Variants in DNAJC10 observed in about 807,000 individuals in gnomAD.
The protein encoded by DNAJC10 is endoplasmic reticulum disulfide reductase DNAJC10.
DNAJC10 carries 101 observed loss-of-function variants against 115.0 expected under a neutral mutation model. That is an observed-to-expected ratio of 0.88 (90% confidence interval 0.75 to 1.04). The LOEUF is 1.04. Ranked by LOEUF, DNAJC10 falls within the 50% of genes least tolerant of loss-of-function variation. DNAJC10 has a pLI of 0.00. For synonymous variants in DNAJC10, 307 were observed against 301.5 expected, an observed-to-expected ratio of 1.02 and a Z score of -0.19; for missense variants, 981 against 928.8, an observed-to-expected ratio of 1.06 and a Z score of -0.73.
At position 182,788,509 on chromosome 2, in the gene DNAJC10, C is replaced by A; in HGVS notation, c.*11377C>A. 3 of 197,632 alleles carry A rather than the reference C, an allele frequency of 1.5e-5. No homozygotes were observed. The highest frequency in any genetic ancestry group is 8.4e-5 in the South Asian group (1 of 11,956). The allele number at this position is 197,632 out of a possible 1,614,324, so 12.2% of individuals were successfully genotyped here. On this transcript the variant is annotated 3_prime_UTR_variant, in exon 24 of 24. Coordinates refer to ENST00000264065, the MANE Select transcript of DNAJC10 (RefSeq NM_018981.4). The stretch of plus-strand genomic sequence containing the variant: ...AAATAGGAGAAAATGGGAGTAAAAA[C>A]AAAATGTATAAAAAGTATTAAAATT...
chr2:182,754,723 C>A, intron 16 of DNAJC10: 1 of 1,119,812 alleles, frequency 8.9e-7, no homozygotes, highest in Non-Finnish European at 1.1e-6. Flanking sequence ...AGGGACCATT[C>A]GTATAATTAC....
chr2:182,745,203 A>T (rs985978782), intron 14 of DNAJC10, among the ~76,000 whole-genome samples: 4 of 152,204 alleles, frequency 2.6e-5, no homozygotes, highest in Non-Finnish European at 5.9e-5. Context: ...TCTGGCACAT[A>T]GTAAGAACTC....
At chr2:182,739,815 T>C in intron 11 of DNAJC10, 1 of 992,848 alleles carries the variant, frequency 1.0e-6, no homozygotes, top group Non-Finnish European at 1.2e-6. Flanking sequence ...TAAGTTCCTC[T>C]TAATTAATCT....
intron 13 of DNAJC10, 33 bp from the exon 14 acceptor site, chr2:182,743,564 TG>T (rs1428909992): frequency 7.0e-7 from 1 of 1,428,678 alleles, no homozygotes; most frequent in Non-Finnish European, 9.9e-7. Context: ...GGTAAGACAG[TG>T]TTTTTATCAA....
At position 182,785,136 on chromosome 2, in the gene DNAJC10, T is replaced by G. The variant is rs1694923593; in HGVS notation, c.*8004T>G. 1.3e-5 allele frequency: 2 copies of G among 152,100 alleles called. No homozygotes were observed. The highest frequency in any genetic ancestry group is 2.4e-5 in the African/African-American group (1 of 41,430). 9.4% of individuals were successfully genotyped at this position (152,100 alleles called of 1,614,324 possible). A position where few individuals can be genotyped will look rare whatever the true frequency, so the allele number is the denominator to read the frequency against. On this transcript the variant is annotated 3_prime_UTR_variant, in exon 24 of 24. Transcript: ENST00000264065. ...GTGTATGAATGGTATGACAATAAATTTAGAAAATCATACAGGCACACACAC... is the reference window on the plus strand; with the variant it reads ...GTGTATGAATGGTATGACAATAAATGTAGAAAATCATACAGGCACACACAC...
At chr2:182,757,119 T>A (rs1025527902) in intron 18 of DNAJC10, among the ~76,000 whole-genome samples, 1 of 152,144 alleles carries the variant, frequency 6.6e-6, no homozygotes, top group Non-Finnish European at 1.5e-5. Context: ...TTTAGAAAAT[T>A]TCCTGAAAAT....
At chr2:182,760,819 A>T (rs963707266) in intron 21 of DNAJC10, among the ~76,000 whole-genome samples, 10 of 152,196 alleles carry the variant, frequency 6.6e-5, no homozygotes, top group African/African-American at 2.2e-4. Context: ...AGGTCTTACT[A>T]GCTATAAAAG....
rs1694813487 is a variant in DNAJC10 at position 182,780,210 on chromosome 2, T to C, written c.*3078T>C. On this transcript the variant is annotated 3_prime_UTR_variant, in exon 24 of 24. Coordinates refer to ENST00000264065, the MANE Select transcript of DNAJC10 (RefSeq NM_018981.4). ...GTCCCCTCCAAATCTCATGTTGAAA[T>C]ATGATCCCCAGTGTTGGATATGGGG... 2 of 152,200 alleles carry C rather than the reference T, an allele frequency of 1.3e-5. No individual in the cohort carries two copies. Among genetic ancestry groups the C allele is most frequent in the Non-Finnish European group, 2.9e-5 (2 of 68,040 alleles). The allele number at this position is 152,200 out of a possible 1,614,324, so 9.4% of individuals were successfully genotyped here. A position where few individuals can be genotyped will look rare whatever the true frequency, so the allele number is the denominator to read the frequency against.
intron 9 of DNAJC10, among the ~76,000 whole-genome samples, chr2:182,731,870 AT>A (rs1327123386): frequency 1.3e-5 from 2 of 152,036 alleles, no homozygotes; most frequent in Non-Finnish European, 2.9e-5. Flanking sequence ...TCACCAAGGG[AT>A]TTTGTCTCAT....
chr2:182,751,801 C>T lies in DNAJC10; in HGVS notation c.1434+16C>T. On this transcript the variant is annotated intron_variant, in intron 15 of 23. Transcript: ENST00000264065. ...CTTTGCCCCCGTAAGTTATTTTTAT[C>T]TGTCAGATTCTAACATTGTCAGATC... is the stretch of plus-strand genomic sequence containing the variant. The T allele has an allele frequency of 1.2e-6, 2 of 1,608,808 alleles. No homozygotes were observed. The highest frequency in any genetic ancestry group is 1.7e-6 in the Non-Finnish European group (2 of 1,178,900).
At position 182,794,363 on chromosome 2, in the gene DNAJC10, A is replaced by T. The variant is rs1459151370; in HGVS notation, c.*17231A>T. On this transcript the variant is annotated 3_prime_UTR_variant, in exon 24 of 24. Transcript: ENST00000264065. ...GATGACCACATTAAACTTACAGAGT[A>T]AGAAATGTCATTCTAGATTTGATTC... 5 of 151,550 alleles carry T rather than the reference A, an allele frequency of 3.3e-5. No individual in the cohort carries two copies. The highest frequency in any genetic ancestry group is 5.9e-5 in the Non-Finnish European group (4 of 68,038). The allele number at this position is 151,550 out of a possible 1,614,324, so 9.4% of individuals were successfully genotyped here.
Position 182,789,627 on chromosome 2 carries a change from A to G in DNAJC10, c.*12495A>G, listed in dbSNP as rs1343279346. 1.3e-5 allele frequency: 2 copies of G among 152,238 alleles called. No homozygotes were observed. The highest frequency in any genetic ancestry group is 2.9e-5 in the Non-Finnish European group (2 of 68,060). 9.4% of individuals were successfully genotyped at this position (152,238 alleles called of 1,614,324 possible). A position where few individuals can be genotyped will look rare whatever the true frequency, so the allele number is the denominator to read the frequency against. ...CTTCACCCTTTGGCCATTGCAAATA[A>G]TGCTGCTATAAACATGGGTGTACAA... On this transcript the variant is annotated 3_prime_UTR_variant, in exon 24 of 24. Coordinates refer to ENST00000264065, the MANE Select transcript of DNAJC10 (RefSeq NM_018981.4).
chr2:182,750,485 G>A (rs1693987462), intron 14 of DNAJC10, among the ~76,000 whole-genome samples: 1 of 152,182 alleles, frequency 6.6e-6, no homozygotes, highest in African/African-American at 2.4e-5. Flanking sequence ...AAAGGAGCAG[G>A]TTTGGAGGAA....
chr2:182,750,161 A>T (rs991335160), intron 14 of DNAJC10, among the ~76,000 whole-genome samples: 1 of 152,172 alleles, frequency 6.6e-6, no homozygotes, highest in Non-Finnish European at 1.5e-5. Flanking sequence ...AGAGAGAGAG[A>T]GTCAAGAATA....
intron 10 of DNAJC10, chr2:182,732,753 A>G (rs1693484254): frequency 1.8e-6 from 1 of 545,708 alleles, no homozygotes. Flanking sequence ...TCTAAGTGTC[A>G]TTTACTTTGT....
chr2:182,721,920 T>G (rs1013101006), intron 4 of DNAJC10, 105 bp from the exon 5 acceptor site: 2 of 616,028 alleles, frequency 3.2e-6, no homozygotes, highest in African/African-American at 1.9e-5. Context: ...AGATATAATA[T>G]AGTAGTTTGA....
At chr2:182,769,470 C>T (rs1694503833) in intron 22 of DNAJC10, among the ~76,000 whole-genome samples, 3 of 152,192 alleles carry the variant, frequency 2.0e-5, no homozygotes, top group Non-Finnish European at 1.5e-5. Context: ...TGTTTCTCCA[C>T]ATCCTCTCCA....
chr2:182,769,250 G>A (rs1278030458), intron 22 of DNAJC10, among the ~76,000 whole-genome samples: 1 of 152,040 alleles, frequency 6.6e-6, no homozygotes, highest in Non-Finnish European at 1.5e-5. Context: ...GGTGGTTCCA[G>A]GTCTTTGCTA....
chr2:182,742,401 G>A (rs549825217), intron 13 of DNAJC10, among the ~76,000 whole-genome samples: 177 of 152,278 alleles, frequency 1.2e-3, no homozygotes, highest in African/African-American at 3.8e-3. Flanking sequence ...TATTGGCCAA[G>A]CTGGCCTCGA....
Sources: gnomAD v4.1 joint callset for allele counts (sites outside exome capture counted in the v4.1 genomes callset) on GRCh38, gnomAD v4.1.1 for gene constraint, MANE v1.5 for transcripts, NCBI Gene and HGNC (gene_info 2026-07-23, HGNC 2026-07-21) for gene names.